CREB3L2: variants seen among roughly 807,000 people sequenced by gnomAD.
The protein encoded by CREB3L2 is cAMP responsive element binding protein 3 like 2, also known as cyclic AMP-responsive element-binding protein 3-like protein 2.
In CREB3L2, 23 loss-of-function variants were observed where a neutral mutation model predicts 57.2. The ratio of observed to expected loss-of-function variants is 0.40; its 90% confidence interval spans 0.29 to 0.57. The LOEUF (loss-of-function observed/expected upper bound fraction) is 0.57, where lower values mean the gene tolerates loss of function less well. CREB3L2 is among the 20% of genes least tolerant of loss of function. CREB3L2 has a pLI of 0.42. For missense variants in CREB3L2, 628 were observed against 634.7 expected (o/e 0.99, Z 0.11); for synonymous variants, 268 against 265.1 (o/e 1.01, Z -0.11).
intron 1 of CREB3L2, among the ~76,000 whole-genome samples, chr7:137,969,771 C>CAT (rs1462512297): frequency 7.8e-6 from 1 of 128,110 alleles, no homozygotes; most frequent in Non-Finnish European, 1.8e-5. Flanking sequence ...AACACACACA[C>CAT]ACACACACAC....
intron 8 of CREB3L2, among the ~76,000 whole-genome samples, chr7:137,898,532 C>A (rs1799672675): frequency 6.6e-6 from 1 of 152,194 alleles, no homozygotes; most frequent in African/African-American, 2.4e-5. Flanking sequence ...TGATAGAATT[C>A]TATAAGGCTA....
intron 1 of CREB3L2, among the ~76,000 whole-genome samples, chr7:137,950,770 C>G (rs920360317): frequency 1.3e-5 from 2 of 152,146 alleles, no homozygotes; most frequent in Non-Finnish European, 2.9e-5. Context: ...CTCACATATT[C>G]TCATTTAATT....
Position 137,877,594 on chromosome 7 carries a change from CTGG to C in CREB3L2, c.*2879_*2881del. On this transcript the variant is annotated 3_prime_UTR_variant, in exon 12 of 12. Transcript: ENST00000330387. ...GAATCTTTGCAAAACATCTCCTTCACTGGTGCAATCTAAGAAAGGGAAATGGGA... is the reference window on the plus strand; with the variant it reads ...GAATCTTTGCAAAACATCTCCTTCACTGCAATCTAAGAAAGGGAAATGGGA... 4.4e-6 allele frequency: 1 copy of C among 226,114 alleles called. No individual in the cohort carries two copies. Among genetic ancestry groups the C allele is most frequent in the Middle Eastern group, 1.4e-3 (1 of 734 alleles). The allele number at this position is 226,114 out of a possible 1,614,324, so 14.0% of individuals were successfully genotyped here. A position where few individuals can be genotyped will look rare whatever the true frequency, so the allele number is the denominator to read the frequency against.
chr7:137,885,826 T>G (rs1373839299), intron 8 of CREB3L2, among the ~76,000 whole-genome samples: 1 of 152,220 alleles, frequency 6.6e-6, no homozygotes, highest in Non-Finnish European at 1.5e-5. Flanking sequence ...AGGAACACTC[T>G]GATTGGATGG....
intron 1 of CREB3L2, among the ~76,000 whole-genome samples, chr7:137,977,731 G>A (rs1328467981): frequency 1.3e-5 from 2 of 152,098 alleles, no homozygotes; most frequent in African/African-American, 4.8e-5. Context: ...GGCCAGCCTG[G>A]TCAATATGAT....
intron 1 of CREB3L2, among the ~76,000 whole-genome samples, chr7:137,942,250 C>T (rs1157761235): frequency 6.6e-6 from 1 of 152,232 alleles, no homozygotes; most frequent in Non-Finnish European, 1.5e-5. Context: ...CAAGTTCCTA[C>T]TTTGGTGGCA....
intron 1 of CREB3L2, among the ~76,000 whole-genome samples, chr7:137,931,046 A>G (rs1174460661): frequency 6.6e-6 from 1 of 152,084 alleles, no homozygotes; most frequent in Non-Finnish European, 1.5e-5. Flanking sequence ...AGCCTGGGCA[A>G]CATAGTGAGA....
chr7:137,992,819 C>G (rs370815460), intron 1 of CREB3L2, among the ~76,000 whole-genome samples: 1 of 152,154 alleles, frequency 6.6e-6, no homozygotes, highest in African/African-American at 2.4e-5. Flanking sequence ...CCAAATAGTC[C>G]CATGAGGCCC....
At chr7:137,943,439 C>T (rs1199549136) in intron 1 of CREB3L2, among the ~76,000 whole-genome samples, 1 of 152,162 alleles carries the variant, frequency 6.6e-6, no homozygotes, top group Non-Finnish European at 1.5e-5. Context: ...AACAACCAGA[C>T]AGGCTTTATC....
In CREB3L2 at chr7:137,885,514, A is replaced by G. The variant is rs780241012; in HGVS notation, c.1044-12T>C. On this transcript the variant is annotated splice_polypyrimidine_tract_variant and intron_variant, in intron 8 of 11. Transcript: ENST00000330387. The stretch of plus-strand genomic sequence containing the variant: ...GCTGAAGGAGAGTCCTGCCAATGAT[A>G]ACAACAGCCGTGAGGGGAGTCTGAC... 10 of 1,601,182 alleles carry G rather than the reference A, an allele frequency of 6.2e-6. No homozygotes were observed. Among genetic ancestry groups the G allele is most frequent in the Middle Eastern group, 1.7e-4 (1 of 6,046 alleles).
chr7:137,886,234 G>C (rs1330880937), intron 8 of CREB3L2, among the ~76,000 whole-genome samples: 1 of 152,154 alleles, frequency 6.6e-6, no homozygotes, highest in Non-Finnish European at 1.5e-5. Context: ...TTAAGCAAGA[G>C]ATGAGAAACA....
chr7:137,927,778 T>G (rs1446349877), intron 2 of CREB3L2, among the ~76,000 whole-genome samples: 1 of 100,318 alleles, frequency 1.0e-5, no homozygotes. Flanking sequence ...GAGGAATAGT[T>G]CTTTCTCAGA....
At chr7:137,897,392 CAG>C (rs1405877129) in intron 8 of CREB3L2, among the ~76,000 whole-genome samples, 2 of 152,132 alleles carry the variant, frequency 1.3e-5, no homozygotes, top group Admixed American at 6.5e-5. Flanking sequence ...TTATTTGAGA[CAG>C]AGTCTCGCTC....
intron 1 of CREB3L2, chr7:137,999,789 G>A (rs181682869): frequency 6.6e-6 from 1 of 152,346 alleles, no homozygotes; most frequent in East Asian, 1.9e-4. Context: ...ACAGGAATGA[G>A]CTGTTCACAA....
chr7:137,957,816 A>G (rs953503695), intron 1 of CREB3L2: 2 of 1,278,386 alleles, frequency 1.6e-6, no homozygotes, highest in Non-Finnish European at 2.0e-6. Flanking sequence ...TTCCTCTGCT[A>G]AGGTATTAAT....
chr7:137,918,858 A>G (rs530386220), intron 2 of CREB3L2, among the ~76,000 whole-genome samples: 1 of 152,240 alleles, frequency 6.6e-6, no homozygotes, highest in Non-Finnish European at 1.5e-5. Context: ...AGTCAAGACC[A>G]TTTAATATTC....
At chr7:137,915,175 A>G (rs1800100779) in intron 3 of CREB3L2, among the ~76,000 whole-genome samples, 1 of 152,314 alleles carries the variant, frequency 6.6e-6, no homozygotes, top group African/African-American at 2.4e-5. Context: ...ATGCTGGTCC[A>G]TGGCCAGACA....
intron 1 of CREB3L2, among the ~76,000 whole-genome samples, chr7:137,976,778 T>C (rs1035534416): frequency 1.3e-5 from 2 of 152,206 alleles, no homozygotes; most frequent in Non-Finnish European, 2.9e-5. Flanking sequence ...TTTAAAAATC[T>C]CCCCAAGTAA....
intron 1 of CREB3L2, among the ~76,000 whole-genome samples, chr7:137,953,836 TCAAA>T (rs1332137254): frequency 1.3e-5 from 2 of 151,774 alleles, no homozygotes; most frequent in Admixed American, 6.6e-5. Flanking sequence ...AAACAGACGG[TCAAA>T]CAAAGATCTG....
Sources: gnomAD v4.1 joint callset for allele counts (sites outside exome capture counted in the v4.1 genomes callset) on GRCh38, gnomAD v4.1.1 for gene constraint, MANE v1.5 for transcripts, NCBI Gene and HGNC (gene_info 2026-07-23, HGNC 2026-07-21) for gene names.